Variants in TENM1 observed in about 807,000 individuals in gnomAD.
The protein encoded by TENM1 is teneurin-1.
In TENM1, 35 loss-of-function variants were observed where a neutral mutation model predicts 174.8. The ratio of observed to expected loss-of-function variants is 0.20; its 90% CI spans 0.15 to 0.27. The LOEUF is 0.27. Among genes scored for constraint, TENM1 ranks in the 10% least tolerant of loss-of-function variants. TENM1 has a pLI of 1.00. For missense variants in TENM1, 1,633 were observed against 2,130.1 expected (o/e 0.77, Z 4.59); for synonymous variants, 781 against 798.7 (o/e 0.98, Z 0.37).
intron 3 of TENM1, among the ~76,000 whole-genome samples, chrX:124,756,481 C>G (rs2054247641): frequency 9.0e-6 from 1 of 111,153 alleles, no homozygotes; most frequent in Admixed American, 9.4e-5. Flanking sequence ...AAGCCTTCTT[C>G]TCTCAACTCG....
intron 1 of TENM1, among the ~76,000 whole-genome samples, chrX:124,934,304 G>A (rs754731553): frequency 1.5e-4 from 17 of 112,223 alleles, no homozygotes; most frequent in African/African-American, 5.2e-4. Context: ...ACATGACAGT[G>A]CCTGACTCCA....
intron 4 of TENM1, among the ~76,000 whole-genome samples, chrX:124,707,533 G>A (rs1211671942): frequency 9.0e-6 from 1 of 110,649 alleles, no homozygotes; most frequent in Non-Finnish European, 1.9e-5. Context: ...AACGTGGTGC[G>A]GGATTTGACC....
chrX:125,100,944 T>C, the TENM1 span, among the ~76,000 whole-genome samples: 1 of 111,637 alleles, frequency 9.0e-6, no homozygotes, highest in Non-Finnish European at 1.9e-5. Context: ...AGCACATAGC[T>C]AGCTGGTGGC....
At chrX:125,094,337 CA>C in the TENM1 span, among the ~76,000 whole-genome samples, 1 of 111,946 alleles carries the variant, frequency 8.9e-6, no homozygotes, top group Non-Finnish European at 1.9e-5. Flanking sequence ...CACTCAGAGC[CA>C]TGGTACATGT....
the TENM1 span, among the ~76,000 whole-genome samples, chrX:125,193,185 C>T: frequency 9.0e-6 from 1 of 111,378 alleles, no homozygotes; most frequent in Non-Finnish European, 1.9e-5. Context: ...CAGTGTTTCT[C>T]AATATTTCAT....
intron 14 of TENM1, among the ~76,000 whole-genome samples, 167 bp from the exon 18 acceptor site, chrX:124,547,257 C>T (rs1288200499): frequency 8.9e-6 from 1 of 112,483 alleles, no homozygotes; most frequent in African/African-American, 3.2e-5. Context: ...ATCACTCACT[C>T]TGAGTTCACA....
the TENM1 span, among the ~76,000 whole-genome samples, chrX:125,066,787 G>T: frequency 8.9e-6 from 1 of 111,847 alleles, no homozygotes; most frequent in Non-Finnish European, 1.9e-5. Context: ...AGAATGCTGA[G>T]AACTTTAAGT....
the TENM1 span, among the ~76,000 whole-genome samples, chrX:125,095,442 GATTA>G: frequency 9.0e-6 from 1 of 111,517 alleles, no homozygotes; most frequent in African/African-American, 3.3e-5. Flanking sequence ...TTTGTGCAGA[GATTA>G]ATTAACAATA....
At chrX:124,493,021 C>T (rs186348527) in intron 20 of TENM1, among the ~76,000 whole-genome samples, 8 of 111,058 alleles carry the variant, frequency 7.2e-5, no homozygotes, top group Non-Finnish European at 1.3e-4. Context: ...GAGAAAAGCT[C>T]TCAAGCTAAG....
intron 11 of TENM1, among the ~76,000 whole-genome samples, chrX:124,609,544 A>C (rs1460960330): frequency 8.9e-6 from 1 of 111,957 alleles, no homozygotes; most frequent in Non-Finnish European, 1.9e-5. Flanking sequence ...TAACATGCTT[A>C]ATCAAAACTG....
the TENM1 span, among the ~76,000 whole-genome samples, chrX:125,061,257 T>C: frequency 9.0e-6 from 1 of 111,508 alleles, no homozygotes; most frequent in South Asian, 3.8e-4. Context: ...TCCCAGATAT[T>C]TGCTGAGTAC....
At chrX:124,466,910 A>C (rs775177244) in intron 22 of TENM1, among the ~76,000 whole-genome samples, 46 of 111,594 alleles carry the variant, frequency 4.1e-4, no homozygotes, top group Non-Finnish European at 7.5e-4. Flanking sequence ...ATTCTGATGG[A>C]TTTTGGCTTG....
intron 3 of TENM1, among the ~76,000 whole-genome samples, chrX:124,889,172 T>C (rs1438784227): frequency 9.0e-6 from 1 of 111,533 alleles, no homozygotes; most frequent in Non-Finnish European, 1.9e-5. Flanking sequence ...CATATCCATT[T>C]GACACTGACA....
intron 27 of TENM1, among the ~76,000 whole-genome samples, chrX:124,395,976 T>G (rs2060328730): frequency 8.9e-6 from 1 of 111,863 alleles, no homozygotes; most frequent in South Asian, 3.8e-4. Flanking sequence ...CATTTCTTAG[T>G]AAAGTCATTA....
intron 19 of TENM1, among the ~76,000 whole-genome samples, chrX:124,500,895 G>C (rs1205983103): frequency 4.5e-5 from 5 of 111,750 alleles, no homozygotes; most frequent in African/African-American, 1.6e-4. Flanking sequence ...ACTTGACTGA[G>C]AGGATATAAA....
chrX:124,375,910 T>C (rs755479361), exon 32 of TENM1: 5 of 112,709 alleles, frequency 4.4e-5, no homozygotes, highest in Non-Finnish European at 7.5e-5. Context: ...ACATTTTTCA[T>C]TGGCAATTTT....
chrX:124,555,340 G>A (rs2048671406), intron 14 of TENM1, among the ~76,000 whole-genome samples: 1 of 111,485 alleles, frequency 9.0e-6, no homozygotes, highest in Non-Finnish European at 1.9e-5. Flanking sequence ...AGGTCCCCAT[G>A]CACATTTATA....
intron 4 of TENM1, among the ~76,000 whole-genome samples, chrX:124,732,690 G>A (rs1362423252): frequency 8.9e-6 from 1 of 111,916 alleles, no homozygotes; most frequent in Non-Finnish European, 1.9e-5. Flanking sequence ...TGAGGTGAGA[G>A]GTGTGAGGAG....
At chrX:124,972,900 G>T in the TENM1 span, among the ~76,000 whole-genome samples, 1 of 111,859 alleles carries the variant, frequency 8.9e-6, no homozygotes, top group Non-Finnish European at 1.9e-5. Context: ...AGTTTGTTTT[G>T]TGTTGATATA....
Sources: gnomAD v4.1 joint callset for allele counts (sites outside exome capture counted in the v4.1 genomes callset) on GRCh38, gnomAD v4.1.1 for gene constraint, MANE v1.5 for transcripts, NCBI Gene and HGNC (gene_info 2026-07-23, HGNC 2026-07-21) for gene names.